RGS6: variants seen among roughly 807,000 people sequenced by gnomAD.
RGS6 encodes the protein regulator of G protein signaling 6.
RGS6 carries 30 observed loss-of-function variants against 78.5 expected under a neutral mutation model. The observed-to-expected ratio is 0.38, with a 90% CI of 0.29 to 0.52. RGS6 has a LOEUF of 0.52. Among genes scored for constraint, RGS6 ranks in the 20% least tolerant of loss-of-function variants. RGS6 has a pLI of 0.85. For synonymous variants in RGS6, 206 were observed against 206.0 expected, an observed-to-expected ratio of 1.00 and a Z score of 0.00; for missense variants, 495 against 609.7, an observed-to-expected ratio of 0.81 and a Z score of 1.98.
chr14:72,519,697 T>C (rs899676046), intron 15 of RGS6, among the ~76,000 whole-genome samples: 2 of 152,216 alleles, frequency 1.3e-5, no homozygotes, highest in African/African-American at 4.8e-5. Flanking sequence ...AAGCAGAATG[T>C]TTGAGTCATG....
chr14:72,409,691 C>A (rs918819222), intron 3 of RGS6, among the ~76,000 whole-genome samples: 1 of 151,994 alleles, frequency 6.6e-6, no homozygotes, highest in African/African-American at 2.4e-5. Context: ...TTAGGTATAT[C>A]TCTCAGTGCT....
At chr14:72,241,690 T>C (rs1455907384) in intron 2 of RGS6, among the ~76,000 whole-genome samples, 1 of 152,258 alleles carries the variant, frequency 6.6e-6, no homozygotes, top group Non-Finnish European at 1.5e-5. Context: ...ATAATAGATA[T>C]ATGATATGTT....
At chr14:71,870,018 C>T in the RGS6 span, among the ~76,000 whole-genome samples, 1 of 152,174 alleles carries the variant, frequency 6.6e-6, no homozygotes, top group Admixed American at 6.5e-5. Context: ...TTACAAATTA[C>T]CCAGTCACAG....
chr14:72,612,359 A>G, the RGS6 span: 1 of 449,230 alleles, frequency 2.2e-6, no homozygotes, highest in Non-Finnish European at 4.4e-6. Context: ...CCTGCTCCCC[A>G]CCTCCTCTGC....
chr14:72,417,956 A>G (rs1426000019), intron 3 of RGS6, among the ~76,000 whole-genome samples: 2 of 152,170 alleles, frequency 1.3e-5, no homozygotes, highest in Admixed American at 1.3e-4. Flanking sequence ...AGTGATTTAT[A>G]GCATAGCTTG....
intron 2 of RGS6, among the ~76,000 whole-genome samples, chr14:72,074,359 C>T (rs751812208): frequency 1.5e-4 from 23 of 152,152 alleles, no homozygotes; most frequent in Middle Eastern, 6.8e-3. Flanking sequence ...CCATACCTAG[C>T]TGATTTTTTG....
the RGS6 span, among the ~76,000 whole-genome samples, chr14:72,628,597 T>C: frequency 2.0e-5 from 3 of 151,928 alleles, no homozygotes; most frequent in East Asian, 3.9e-4. Flanking sequence ...TACATCCTGA[T>C]GAAAGTGTAC....
intron 2 of RGS6, among the ~76,000 whole-genome samples, chr14:72,314,266 C>T (rs2069436037): frequency 6.6e-6 from 1 of 152,208 alleles, no homozygotes; most frequent in Admixed American, 6.5e-5. Context: ...AGCTCACTGA[C>T]ATCCTGGCTC....
chr14:72,592,203 C>A, the RGS6 span, among the ~76,000 whole-genome samples: 1 of 152,330 alleles, frequency 6.6e-6, no homozygotes, highest in African/African-American at 2.4e-5. Flanking sequence ...GAGAAATCAC[C>A]AGTGTGTTCT....
At chr14:72,105,248 C>G (rs2095610144) in intron 2 of RGS6, among the ~76,000 whole-genome samples, 1 of 152,172 alleles carries the variant, frequency 6.6e-6, no homozygotes, top group Admixed American at 6.5e-5. Flanking sequence ...GGTTTTGCCT[C>G]TAATAAATCA....
chr14:72,167,982 C>A (rs2096952447), intron 2 of RGS6, among the ~76,000 whole-genome samples: 1 of 152,102 alleles, frequency 6.6e-6, no homozygotes, highest in Non-Finnish European at 1.5e-5. Flanking sequence ...GGTGGGGATT[C>A]TGGGAAGAGG....
chr14:72,554,079 C>T (rs1471091894), intron 17 of RGS6, among the ~76,000 whole-genome samples: 1 of 152,224 alleles, frequency 6.6e-6, no homozygotes, highest in African/African-American at 2.4e-5. Context: ...TAAGTGCCTG[C>T]TAAATTGCAT....
intron 2 of RGS6, among the ~76,000 whole-genome samples, chr14:72,346,916 A>G (rs1358934612): frequency 6.6e-6 from 1 of 152,056 alleles, no homozygotes; most frequent in Admixed American, 6.5e-5. Flanking sequence ...AAGAAAACCC[A>G]CTCTATGGCA....
At chr14:72,420,207 A>G (rs920712014) in intron 3 of RGS6, among the ~76,000 whole-genome samples, 2 of 152,220 alleles carry the variant, frequency 1.3e-5, no homozygotes, top group African/African-American at 4.8e-5. Context: ...GTGGCTAACA[A>G]GGGTCTCACA....
At chr14:72,469,856 C>T in intron 7 of RGS6, 151 bp from the exon 8 acceptor site, 2 of 628,906 alleles carry the variant, frequency 3.2e-6, no homozygotes, top group Admixed American at 2.6e-5. Context: ...GGCGCAAAGT[C>T]AAATGGGATA....
the RGS6 span, among the ~76,000 whole-genome samples, chr14:71,915,440 A>G: frequency 6.6e-6 from 1 of 152,024 alleles, no homozygotes; most frequent in Non-Finnish European, 1.5e-5. Flanking sequence ...TTGTAGTCAG[A>G]GAGATGCCTG....
intron 2 of RGS6, among the ~76,000 whole-genome samples, chr14:72,238,065 G>A (rs2051629960): frequency 6.6e-6 from 1 of 152,134 alleles, no homozygotes; most frequent in African/African-American, 2.4e-5. Flanking sequence ...GGCTCTCAGT[G>A]GAAAGGGAGC....
chr14:71,907,350 A>T, the RGS6 span, among the ~76,000 whole-genome samples: 3 of 152,158 alleles, frequency 2.0e-5, no homozygotes, highest in Non-Finnish European at 1.5e-5. Context: ...GATCTGAATG[A>T]TGAGTAAGAA....
chr14:72,129,964 C>T (rs2096280282), intron 2 of RGS6, among the ~76,000 whole-genome samples: 2 of 152,168 alleles, frequency 1.3e-5, no homozygotes, highest in South Asian at 4.1e-4. Flanking sequence ...ACAGACCCTA[C>T]AGGTTAAGGG....
Sources: allele counts gnomAD v4.1 joint callset (sites outside exome capture counted in the v4.1 genomes callset), GRCh38; gene constraint gnomAD v4.1.1; transcripts MANE v1.5; gene names NCBI Gene and HGNC (gene_info 2026-07-23, HGNC 2026-07-21).